Variants in CACNA1E observed in about 807,000 individuals in gnomAD.
The protein encoded by CACNA1E is calcium voltage-gated channel subunit alpha1 E, also known as voltage-dependent R-type calcium channel subunit alpha-1E.
CACNA1E carries 40 observed loss-of-function variants against 259.2 expected under a neutral mutation model. The observed-to-expected ratio is 0.15, with a 90% CI of 0.12 to 0.20. The LOEUF (loss-of-function observed/expected upper bound fraction) is 0.20. Ranked by LOEUF, CACNA1E falls within the 10% of genes least tolerant of loss-of-function variation. The pLI, the probability that CACNA1E is intolerant of heterozygous loss-of-function variation, is 1.00. For synonymous variants in CACNA1E, 1,104 were observed against 1,138.5 expected, an observed-to-expected ratio of 0.97 and a Z score of 0.61; for missense variants, 1,874 against 3,040.1, an observed-to-expected ratio of 0.62 and a Z score of 9.02.
At chr1:181,480,667 C>T (rs1214633236), upstream of CACNA1E, among the ~76,000 whole-genome samples, 4 of 152,088 alleles carry the variant, frequency 2.6e-5, no homozygotes, top group African/African-American at 9.7e-5. Flanking sequence ...GCTAGTGAGC[C>T]CTGCTTATTC....
At position 181,733,737 on chromosome 1, in the gene CACNA1E, A is replaced by C; in HGVS notation, c.3249A>C (p.Ser1083=). The change falls in exon 21 of 48, where the codon TCA becomes TCC. Residue 1083 remains serine (S), a synonymous_variant. Coordinates refer to ENST00000367573, the MANE Select transcript of CACNA1E (RefSeq NM_001205293.3). ...CCGACGTGGACCCCTTGGTGGACTC[A>C]ACCGTGGTGCACAGTGAGAGCACAG... ...AIPDVDPLVD[S]TVVHISNKTD... The C allele has an allele frequency of 6.4e-7, 1 of 1,561,238 alleles. No homozygotes were observed. Among genetic ancestry groups the C allele is most frequent in the Non-Finnish European group, 8.7e-7 (1 of 1,152,846 alleles).
intron 47 of CACNA1E, among the ~76,000 whole-genome samples, chr1:181,797,371 A>G (rs1187338809): frequency 6.6e-6 from 1 of 152,206 alleles, no homozygotes; most frequent in Non-Finnish European, 1.5e-5. Flanking sequence ...AAACATTCAT[A>G]GACTCTGTTT....
chr1:181,711,267 T>C (rs567054739), intron 8 of CACNA1E, among the ~76,000 whole-genome samples, 198 bp downstream of exon 8: 1 of 152,296 alleles, frequency 6.6e-6, no homozygotes, highest in African/African-American at 2.4e-5. Context: ...TATCAAACTG[T>C]CCCAACACCT....
intron 7 of CACNA1E, among the ~76,000 whole-genome samples, chr1:181,658,073 A>G (rs1422197781): frequency 1.3e-5 from 2 of 152,232 alleles, no homozygotes; most frequent in Non-Finnish European, 2.9e-5. Context: ...AAGTGTGTAT[A>G]TATTTTAGTT....
At chr1:181,378,918 C>T (rs1392343543) in intron 1 of CACNA1E, among the ~76,000 whole-genome samples, 1 of 152,124 alleles carries the variant, frequency 6.6e-6, no homozygotes, top group East Asian at 1.9e-4. Flanking sequence ...TATGGGGAAA[C>T]AATTTCCAGC....
chr1:181,757,603 G>A (rs775127673), intron 30 of CACNA1E, among the ~76,000 whole-genome samples: 20 of 152,126 alleles, frequency 1.3e-4, no homozygotes, highest in Non-Finnish European at 2.5e-4. Flanking sequence ...AGAGAAATGC[G>A]ACATAAAGTG....
intron 1 of CACNA1E, among the ~76,000 whole-genome samples, chr1:181,373,594 G>A (rs1268527767): frequency 6.9e-6 from 1 of 144,822 alleles, no homozygotes; most frequent in African/African-American, 2.6e-5. Context: ...CTGGAGTGCA[G>A]TGGCGCAATC....
In CACNA1E at chr1:181,805,605, T is replaced by C. The variant is rs1662574621; in HGVS notation, c.*6771T>C. 6.6e-6 allele frequency: 1 copy of C among 152,226 alleles called. No individual in the cohort carries two copies. The highest frequency in any genetic ancestry group is 2.4e-5 in the African/African-American group (1 of 41,458). 9.4% of individuals were successfully genotyped at this position (152,226 alleles called of 1,614,324 possible). ...TTTAATGGCTACCAATTGGGATATA[T>C]ACTTAGCCTGCAGGCTGAACTTTAG... On this transcript the variant is annotated 3_prime_UTR_variant, in exon 48 of 48. Coordinates refer to ENST00000367573, the MANE Select transcript of CACNA1E (RefSeq NM_001205293.3).
At chr1:181,537,937 A>T (rs568905904) in intron 3 of CACNA1E, among the ~76,000 whole-genome samples, 7 of 152,270 alleles carry the variant, frequency 4.6e-5, no homozygotes, top group African/African-American at 1.7e-4. Flanking sequence ...TTAGCATAGT[A>T]CCTGAAATAT....
chr1:181,719,997 C>T, intron 13 of CACNA1E, 134 bp downstream of exon 13: 1 of 758,712 alleles, frequency 1.3e-6, no homozygotes, highest in African/African-American at 1.8e-5. Context: ...CTTTTCTATT[C>T]TTTAGCTCTT....
At chr1:181,658,594 C>T (rs1659399060) in intron 7 of CACNA1E, among the ~76,000 whole-genome samples, 2 of 152,160 alleles carry the variant, frequency 1.3e-5, no homozygotes, top group Admixed American at 6.5e-5. Context: ...CAGGTGGCAT[C>T]ACCTGCTTAA....
chr1:181,625,207 A>T (rs1656085044), intron 6 of CACNA1E, among the ~76,000 whole-genome samples: 1 of 151,994 alleles, frequency 6.6e-6, no homozygotes, highest in Admixed American at 6.6e-5. Context: ...GGGCCCTAGG[A>T]TTTTTGGAAT....
chr1:181,326,735 C>T (rs1650826098), intron 1 of CACNA1E, among the ~76,000 whole-genome samples: 1 of 152,214 alleles, frequency 6.6e-6, no homozygotes, highest in Non-Finnish European at 1.5e-5. Context: ...TACTTCAGCA[C>T]ATCATAGTGT....
rs375721145 is a variant in CACNA1E, at chr1:181,776,248, G to A, written c.5267+20G>A. 624 of 1,613,276 alleles carry A rather than the reference G, an allele frequency of 3.9e-4. 1 individual carries two copies. Among genetic ancestry groups the A allele is most frequent in the South Asian group, 9.6e-4 (87 of 91,046 alleles). On this transcript the variant is annotated intron_variant, in intron 38 of 47. Coordinates refer to ENST00000367573, the MANE Select transcript of CACNA1E (RefSeq NM_001205293.3). The surrounding 1 kb of genome is among the most constrained non-coding windows in gnomAD (Gnocchi z 4.4). ...AGCATGGTGCGTAGGCCCCTCGGCCGCCCCAGCGGGGCCCAGAGCAAAGGT... is the reference window on the plus strand; with the variant it reads ...AGCATGGTGCGTAGGCCCCTCGGCCACCCCAGCGGGGCCCAGAGCAAAGGT...
At chr1:181,599,108 C>T (rs542716135) in intron 6 of CACNA1E, among the ~76,000 whole-genome samples, 245 of 152,156 alleles carry the variant, frequency 1.6e-3, no homozygotes, top group Non-Finnish European at 2.0e-3. Flanking sequence ...CCTCTCCCCC[C>T]TCCCCACTCT....
intron 1 of CACNA1E, among the ~76,000 whole-genome samples, chr1:181,492,428 G>C (rs1368096535): frequency 6.6e-6 from 1 of 152,152 alleles, no homozygotes; most frequent in African/African-American, 2.4e-5. Flanking sequence ...TTCTTCTCCA[G>C]CTGTACCAGA....
chr1:181,426,332 CTCATCT>C (rs1470788766), intron 2 of CACNA1E, among the ~76,000 whole-genome samples: 4 of 151,972 alleles, frequency 2.6e-5, no homozygotes, highest in Non-Finnish European at 4.4e-5. Context: ...TAAACTCCTC[CTCATCT>C]GAACCCTTCC....
upstream of CACNA1E, among the ~76,000 whole-genome samples, chr1:181,482,284 T>C (rs1663326750): frequency 6.6e-6 from 1 of 152,206 alleles, no homozygotes; most frequent in Admixed American, 6.5e-5. Flanking sequence ...GTGGCACCGC[T>C]CCCGGCACCG....
At chr1:181,468,985 T>C (rs1662324734) in intron 2 of CACNA1E, among the ~76,000 whole-genome samples, 1 of 152,158 alleles carries the variant, frequency 6.6e-6, no homozygotes, top group South Asian at 2.1e-4. Flanking sequence ...GATCTTATGA[T>C]TGGATAGTTA....
Sources: allele counts gnomAD v4.1 joint callset (sites outside exome capture counted in the v4.1 genomes callset), GRCh38; gene constraint gnomAD v4.1.1; non-coding constraint Gnocchi (gnomAD v3.1); transcripts MANE v1.5; gene names NCBI Gene and HGNC (gene_info 2026-07-23, HGNC 2026-07-21).